Variants in TMEM179 observed in about 807,000 individuals in gnomAD.
TMEM179 encodes transmembrane protein 179A.
In TMEM179, 17 loss-of-function variants were observed where a neutral mutation model predicts 22.2. The ratio of observed to expected loss-of-function variants is 0.77; its 90% CI spans 0.52 to 1.15. The LOEUF (loss-of-function observed/expected upper bound fraction) is 1.15, where lower values mean the gene tolerates loss of function less well. Among genes scored for constraint, TMEM179 ranks in the 50% most tolerant of loss-of-function variants. The probability of loss-of-function intolerance (pLI) is 0.00; values close to 1 mark genes in which losing one functional copy is unlikely to be tolerated. For missense variants in TMEM179, 265 were observed against 313.6 expected (o/e 0.84, Z 1.17); for synonymous variants, 127 against 140.5 (o/e 0.90, Z 0.68).
In TMEM179 at chr14:104,604,380, G is replaced by C; in HGVS notation, c.305+57C>G. ...CTCGCGCGCCTCCCCGGGGAGGTGG[G>C]TCTGGGGGCGCTGGGGGCATGGAAG... On this transcript the variant is annotated intron_variant, in intron 1 of 3. Coordinates refer to ENST00000556573, the MANE Select transcript of TMEM179 (RefSeq NM_001286389.2). This position sits in a 1 kb window ranked among gnomAD's most constrained non-coding sequence, Gnocchi z 4.6. 1.4e-6 allele frequency: 2 copies of C among 1,431,158 alleles called. No homozygotes were observed. Among genetic ancestry groups the C allele is most frequent in the African/African-American group, 1.5e-5 (1 of 66,932 alleles). The allele number at this position is 1,431,158 out of a possible 1,614,324, so 88.7% of individuals were successfully genotyped here. A position where few individuals can be genotyped will look rare whatever the true frequency, so the allele number is the denominator to read the frequency against.
Position 104,603,134 on chromosome 14 carries a change from C to T in TMEM179, c.305+1303G>A, listed in dbSNP as rs533100486. Among the ~76,000 whole-genome samples, 32 of 152,288 alleles carry T rather than the reference C, an allele frequency of 2.1e-4. No individual in the cohort carries two copies. In the East Asian group the frequency reaches 3.5e-3, roughly 17 times the overall value. ...GCCCCAGGGCGCTCCTACCCACAGG[C>T]GCTGGGATTCTCATTCCTCCTCCAG... is the stretch of plus-strand genomic sequence containing the variant. On this transcript the variant is annotated intron_variant, in intron 1 of 3. Transcript: ENST00000556573.
At chr14:104,593,757 A>C (rs964849312) in intron 3 of TMEM179, 99 bp from the exon 4 acceptor site, 1 of 1,345,502 alleles carries the variant, frequency 7.4e-7, no homozygotes, top group Non-Finnish European at 9.7e-7. Context: ...CAGGGAAAGG[A>C]CAGGACTCAG....
In TMEM179 at chr14:104,595,017, G is replaced by T. The variant is rs1014301287; in HGVS notation, c.522+148C>A. The T allele has an allele frequency of 1.3e-6, 2 of 1,507,994 alleles. No homozygotes were observed. The highest frequency in any genetic ancestry group is 2.8e-5 in the African/African-American group (2 of 71,520). 93.4% of individuals were successfully genotyped at this position (1,507,994 alleles called of 1,614,324 possible). ...CCTCCTGCAGGAAGCCTTCCCGACT[G>T]CTCCCACTGCCTGGTCCCATTGCTA... On this transcript the variant is annotated intron_variant, in intron 3 of 3. Coordinates refer to ENST00000556573, the MANE Select transcript of TMEM179 (RefSeq NM_001286389.2). This position sits in a 1 kb window ranked among gnomAD's most constrained non-coding sequence, Gnocchi z 5.7.
Position 104,604,754 on chromosome 14 carries a change from C to G in TMEM179, c.-13G>C, listed in dbSNP as rs1216846448. ...TGTTGAGCGCCATGGCCGGCCCGGG[C>G]GAGAGCGGCGGCGGGAAGGCCGCGG... is the stretch of plus-strand genomic sequence containing the variant. On this transcript the variant is annotated 5_prime_UTR_variant, in exon 1 of 4. Coordinates refer to ENST00000556573, the MANE Select transcript of TMEM179 (RefSeq NM_001286389.2). This position sits in a 1 kb window ranked among gnomAD's most constrained non-coding sequence, Gnocchi z 4.6. The G allele has an allele frequency of 2.0e-6, 3 of 1,516,644 alleles. No individual in the cohort carries two copies. Among genetic ancestry groups the G allele is most frequent in the Non-Finnish European group, 2.6e-6 (3 of 1,136,792 alleles). 93.9% of individuals were successfully genotyped at this position (1,516,644 alleles called of 1,614,324 possible). A position where few individuals can be genotyped will look rare whatever the true frequency, so the allele number is the denominator to read the frequency against.
rs1233935636 is a variant in TMEM179 at position 104,604,680 on chromosome 14, C to T, written c.62G>A (p.Ser21Asn). The change falls in exon 1 of 4, where the codon AGC becomes AAC. Residue 21 changes from serine (S) to asparagine (N), a missense_variant. Physicochemically the swap from Ser to Asn is conservative, Grantham distance 46. Coordinates refer to ENST00000556573, the MANE Select transcript of TMEM179 (RefSeq NM_001286389.2). This position sits in a 1 kb window ranked among gnomAD's most constrained non-coding sequence, Gnocchi z 4.6. ...GGACAGCGGGACCACCACCACGAAG[C>T]TGAACAGGAAGGCCAAGAAGTAGCA... The part of the protein sequence containing the change: ...CACYFLAFLF[S>N]FVVVVPLSEN... 3 of 1,599,424 alleles carry T rather than the reference C, an allele frequency of 1.9e-6. No individual in the cohort carries two copies. Among genetic ancestry groups the T allele is most frequent in the East Asian group, 4.7e-5 (2 of 42,472 alleles).
chr14:104,593,440 C>A lies in TMEM179; in HGVS notation c.*39G>T. On this transcript the variant is annotated 3_prime_UTR_variant, in exon 4 of 4. Coordinates refer to ENST00000556573, the MANE Select transcript of TMEM179 (RefSeq NM_001286389.2). The stretch of plus-strand genomic sequence containing the variant: ...GGCAGGCCCGTGCCCCCGAGCGCAG[C>A]AGGGAGGTCGGGGCCAGCTCCCCCT... 2 of 1,535,488 alleles carry A rather than the reference C, an allele frequency of 1.3e-6. No homozygotes were observed. The highest frequency in any genetic ancestry group is 2.7e-5 in the African/African-American group (2 of 73,168).
Position 104,592,084 on chromosome 14 carries a change from G to GA in TMEM179, c.*1394_*1395insT, listed in dbSNP as rs1886864379. On this transcript the variant is annotated 3_prime_UTR_variant, in exon 4 of 4. Transcript: ENST00000556573. Reference sequence around the variant, plus strand: ...TCCCTCCTCTCTCAGGTGGATGCTGGGCGTGGGAGCCCATGGGAGGGGCAG... The same window carrying GA: ...TCCCTCCTCTCTCAGGTGGATGCTGGAGCGTGGGAGCCCATGGGAGGGGCAG... The GA allele has an allele frequency of 6.5e-6, 1 of 154,522 alleles. No homozygotes were observed. Among genetic ancestry groups the GA allele is most frequent in the Non-Finnish European group, 1.4e-5 (1 of 69,460 alleles). 9.6% of individuals were successfully genotyped at this position (154,522 alleles called of 1,614,324 possible). A position where few individuals can be genotyped will look rare whatever the true frequency, so the allele number is the denominator to read the frequency against.
chr14:104,602,761 A>G (rs1372920162), intron 1 of TMEM179, among the ~76,000 whole-genome samples: 2 of 152,162 alleles, frequency 1.3e-5, no homozygotes, highest in East Asian at 3.9e-4. Flanking sequence ...ATTTGGGCCC[A>G]TGGCCCCACA....
Position 104,604,334 on chromosome 14 carries a change from G to T in TMEM179, c.305+103C>A. The T allele has an allele frequency of 1.5e-6, 2 of 1,298,854 alleles. No homozygotes were observed. The highest frequency in any genetic ancestry group is 2.0e-6 in the Non-Finnish European group (2 of 990,498). The allele number at this position is 1,298,854 out of a possible 1,614,324, so 80.5% of individuals were successfully genotyped here. A position where few individuals can be genotyped will look rare whatever the true frequency, so the allele number is the denominator to read the frequency against. The stretch of plus-strand genomic sequence containing the variant: ...ATTGTTGACATTTGCGGGCCTCGGA[G>T]CTGCCTGAGAGACGGAGGGACTCGC... On this transcript the variant is annotated intron_variant, in intron 1 of 3. Coordinates refer to ENST00000556573, the MANE Select transcript of TMEM179 (RefSeq NM_001286389.2). The surrounding 1 kb of genome is among the most constrained non-coding windows in gnomAD (Gnocchi z 4.6).
rs1886892560 is a variant in TMEM179 at position 104,592,939 on chromosome 14, C to T, written c.*540G>A. ...GAGCCCGGCCACAGGGTCTCCCAGG[C>T]CTATGGCACCCACCCAGGAGGGGGA... On this transcript the variant is annotated 3_prime_UTR_variant, in exon 4 of 4. Transcript: ENST00000556573. 1.3e-5 allele frequency: 2 copies of T among 159,566 alleles called. No individual in the cohort carries two copies. The highest frequency in any genetic ancestry group is 4.8e-5 in the African/African-American group (2 of 41,632). 9.9% of individuals were successfully genotyped at this position (159,566 alleles called of 1,614,324 possible).
At chr14:104,594,740 C>T in intron 3 of TMEM179, 1 of 1,136,842 alleles carries the variant, frequency 8.8e-7, no homozygotes, top group Non-Finnish European at 1.1e-6. Flanking sequence ...TCAGCTTCCC[C>T]CTGGCTAGGG....
intron 1 of TMEM179, among the ~76,000 whole-genome samples, chr14:104,603,581 T>G (rs1397254093): frequency 4.1e-4 from 3 of 7,264 alleles, no homozygotes; most frequent in Non-Finnish European, 6.0e-4. Flanking sequence ...AGGGGGTGGG[T>G]GGGTTCACAG....
At chr14:104,602,253 C>A (rs970060415) in intron 1 of TMEM179, among the ~76,000 whole-genome samples, 16 of 152,316 alleles carry the variant, frequency 1.1e-4, no homozygotes, top group African/African-American at 3.8e-4. Flanking sequence ...GGGCTCTTTT[C>A]TCCCCTCTCC....
At chr14:104,598,212 G>T (rs1162282125) in intron 1 of TMEM179, among the ~76,000 whole-genome samples, 3 of 152,204 alleles carry the variant, frequency 2.0e-5, no homozygotes, top group East Asian at 1.9e-4. Flanking sequence ...GAGGCTCCGG[G>T]GGGTAGGGAG....
At position 104,593,434 on chromosome 14, in the gene TMEM179, G is replaced by A; in HGVS notation, c.*45C>T. ...TCCCCAGGCAGGCCCGTGCCCCCGA[G>A]CGCAGCAGGGAGGTCGGGGCCAGCT... is the stretch of plus-strand genomic sequence containing the variant. On this transcript the variant is annotated 3_prime_UTR_variant, in exon 4 of 4. Coordinates refer to ENST00000556573, the MANE Select transcript of TMEM179 (RefSeq NM_001286389.2). 1 of 1,534,496 alleles carries A rather than the reference G, an allele frequency of 6.5e-7. No homozygotes were observed. The highest frequency in any genetic ancestry group is 8.7e-7 in the Non-Finnish European group (1 of 1,145,518).
chr14:104,604,745 C>T lies in TMEM179; in HGVS notation c.-4G>A, dbSNP rs1887368165. On this transcript the variant is annotated 5_prime_UTR_variant, in exon 1 of 4. Transcript: ENST00000556573. This position sits in a 1 kb window ranked among gnomAD's most constrained non-coding sequence, Gnocchi z 4.6. ...AAAGGAAATTGTTGAGCGCCATGGCCGGCCCGGGCGAGAGCGGCGGCGGGA... is the reference window on the plus strand; with the variant it reads ...AAAGGAAATTGTTGAGCGCCATGGCTGGCCCGGGCGAGAGCGGCGGCGGGA... 1 of 1,537,296 alleles carries T rather than the reference C, an allele frequency of 6.5e-7. No homozygotes were observed.
intron 3 of TMEM179, 45 bp from the exon 4 acceptor site, chr14:104,593,703 C>T: frequency 7.0e-7 from 1 of 1,435,328 alleles, no homozygotes; most frequent in South Asian, 1.5e-5. Context: ...TGGGGGTCCG[C>T]TGTCAGTGCA....
At position 104,604,409 on chromosome 14, in the gene TMEM179, C is replaced by T; in HGVS notation, c.305+28G>A. 2 of 1,484,210 alleles carry T rather than the reference C, an allele frequency of 1.3e-6. No individual in the cohort carries two copies. Among genetic ancestry groups the T allele is most frequent in the Non-Finnish European group, 1.8e-6 (2 of 1,124,782 alleles). 91.9% of individuals were successfully genotyped at this position (1,484,210 alleles called of 1,614,324 possible). ...GGGGGCGCTGGGGGCATGGAAGGGGCGCCGCGCCGGGAGCGGCCCCCACTT... is the reference window on the plus strand; with the variant it reads ...GGGGGCGCTGGGGGCATGGAAGGGGTGCCGCGCCGGGAGCGGCCCCCACTT... On this transcript the variant is annotated intron_variant, in intron 1 of 3. Coordinates refer to ENST00000556573, the MANE Select transcript of TMEM179 (RefSeq NM_001286389.2). This position sits in a 1 kb window ranked among gnomAD's most constrained non-coding sequence, Gnocchi z 4.6.
Position 104,593,412 on chromosome 14 carries a change from C to G in TMEM179, c.*67G>C, listed in dbSNP as rs534794879. 1 of 1,525,584 alleles carries G rather than the reference C, an allele frequency of 6.6e-7. No homozygotes were observed. Among genetic ancestry groups the G allele is most frequent in the Non-Finnish European group, 8.8e-7 (1 of 1,138,872 alleles). The allele number at this position is 1,525,584 out of a possible 1,614,324, so 94.5% of individuals were successfully genotyped here. On this transcript the variant is annotated 3_prime_UTR_variant, in exon 4 of 4. Transcript: ENST00000556573. ...CAGGCAGAGCCCCCCAGCTGCTTCC[C>G]CAGGCAGGCCCGTGCCCCCGAGCGC...
Sources: allele counts gnomAD v4.1 joint callset (sites outside exome capture counted in the v4.1 genomes callset), GRCh38; gene constraint gnomAD v4.1.1; non-coding constraint Gnocchi (gnomAD v3.1); transcripts MANE v1.5; gene names NCBI Gene and HGNC (gene_info 2026-07-23, HGNC 2026-07-21).